Variants in TBL1XR1 observed in about 807,000 individuals in gnomAD.
The protein encoded by TBL1XR1 is TBL1X/Y related 1, also known as F-box-like/WD repeat-containing protein TBL1XR1.
Under a neutral mutation model 66.9 loss-of-function variants are expected in TBL1XR1, and 5 were observed. The observed-to-expected ratio is 0.07, with a 90% CI of 0.04 to 0.16. TBL1XR1 has a LOEUF of 0.16. Among genes scored for constraint, TBL1XR1 ranks in the 10% least tolerant of loss-of-function variants. TBL1XR1 has a pLI of 1.00. For missense variants in TBL1XR1, 238 were observed against 623.2 expected, an observed-to-expected ratio of 0.38 and a Z score of 6.58; for synonymous variants, 210 against 206.0, an observed-to-expected ratio of 1.02 and a Z score of -0.17.
intron 2 of TBL1XR1, among the ~76,000 whole-genome samples, chr3:177,089,248 G>A (rs1410932575): frequency 6.6e-6 from 1 of 152,086 alleles, no homozygotes; most frequent in Non-Finnish European, 1.5e-5. Flanking sequence ...AGGCCAGCAG[G>A]GCCCAGCCCA....
intron 1 of TBL1XR1, among the ~76,000 whole-genome samples, chr3:177,186,849 C>G (rs7627100): frequency 0.55 from 83,252 of 151,908 alleles, 23,504 homozygotes; most frequent in East Asian, 0.75. Flanking sequence ...ACTTTGGGAG[C>G]CTGAGGCTGG....
intron 1 of TBL1XR1, among the ~76,000 whole-genome samples, chr3:177,112,752 C>A (rs1725808265): frequency 6.6e-6 from 1 of 152,112 alleles, no homozygotes; most frequent in South Asian, 2.1e-4. Context: ...CACCTGTAAT[C>A]CCAACACTTT....
At chr3:177,093,246 A>G (rs879215713) in intron 2 of TBL1XR1, among the ~76,000 whole-genome samples, 1 of 152,172 alleles carries the variant, frequency 6.6e-6, no homozygotes, top group African/African-American at 2.4e-5. Context: ...AAAATAAAAT[A>G]CTTAGGAATA....
intron 1 of TBL1XR1, among the ~76,000 whole-genome samples, chr3:177,160,087 A>AC (rs1233298739): frequency 1.3e-5 from 2 of 152,284 alleles, no homozygotes; most frequent in East Asian, 3.9e-4. Context: ...GCAAGAGGGA[A>AC]CAAAATAATA....
In TBL1XR1 at chr3:177,181,054, TA is replaced by T. The variant is rs1455669996; in HGVS notation, c.-122+16066del. On this transcript the variant is annotated intron_variant, in intron 1 of 15. Transcript: ENST00000457928. ...TGGACCCCAGACCCGCTATCCTGGATATTTTCATCAGTGAGCTAGAAGTAGA... is the reference window on the plus strand; with the variant it reads ...TGGACCCCAGACCCGCTATCCTGGATTTTTCATCAGTGAGCTAGAAGTAGA... Among the ~76,000 whole-genome samples the T allele has an allele frequency of 2.6e-5, 4 of 152,098 alleles. No individual in the cohort carries two copies. The East Asian group carries it at 7.7e-4, about 29-fold the overall frequency.
rs913059541 is a variant in TBL1XR1, at chr3:177,098,519, A to G, written c.-99T>C. 11 of 985,772 alleles carry G rather than the reference A, an allele frequency of 1.1e-5. No homozygotes were observed. The African/African-American group carries it at 1.7e-4, about 16-fold the overall frequency. The allele number at this position is 985,772 out of a possible 1,614,324, so 61.1% of individuals were successfully genotyped here. On this transcript the variant is annotated 5_prime_UTR_variant, in exon 2 of 16. Coordinates refer to ENST00000457928, the MANE Select transcript of TBL1XR1 (RefSeq NM_024665.7). ...GCAACTGAATATCCGGTCACCGCCAATCACAAGTTGCTGTTGTTGATGCTG... is the reference window on the plus strand; with the variant it reads ...GCAACTGAATATCCGGTCACCGCCAGTCACAAGTTGCTGTTGTTGATGCTG...
At chr3:177,057,906 G>A (rs1285406265) in intron 3 of TBL1XR1, among the ~76,000 whole-genome samples, 1 of 152,158 alleles carries the variant, frequency 6.6e-6, no homozygotes, top group East Asian at 1.9e-4. Flanking sequence ...AGCAACGACA[G>A]CTGGCAGGGA....
intron 1 of TBL1XR1, among the ~76,000 whole-genome samples, chr3:177,113,001 C>A (rs1725842603): frequency 7.8e-6 from 1 of 128,004 alleles, no homozygotes; most frequent in Non-Finnish European, 1.7e-5. Context: ...AAGACTGTCT[C>A]AAAACACACA....
At chr3:177,133,940 T>C (rs1036972812) in intron 1 of TBL1XR1, among the ~76,000 whole-genome samples, 8 of 151,888 alleles carry the variant, frequency 5.3e-5, no homozygotes, top group Non-Finnish European at 1.0e-4. Context: ...CTGTTGTTTT[T>C]AGTCTTCCGC....
chr3:177,196,016 T>A (rs933490027), intron 1 of TBL1XR1, among the ~76,000 whole-genome samples: 1 of 152,146 alleles, frequency 6.6e-6, no homozygotes, highest in African/African-American at 2.4e-5. Flanking sequence ...TTAGATAACC[T>A]AACAAAGAGA....
intron 1 of TBL1XR1, among the ~76,000 whole-genome samples, chr3:177,175,312 G>GA (rs750628393): frequency 1.3e-4 from 20 of 151,652 alleles, no homozygotes; most frequent in Non-Finnish European, 1.9e-4. Context: ...GATATTAAAG[G>GA]AAAAAAAATC....
At chr3:177,168,093 A>C (rs1005898612) in intron 1 of TBL1XR1, among the ~76,000 whole-genome samples, 1 of 152,206 alleles carries the variant, frequency 6.6e-6, no homozygotes, top group African/African-American at 2.4e-5. Flanking sequence ...ATGTAATGAG[A>C]TAAATATATA....
chr3:177,048,323 T>C (rs910359917), intron 7 of TBL1XR1, among the ~76,000 whole-genome samples: 7 of 152,204 alleles, frequency 4.6e-5, no homozygotes, highest in Non-Finnish European at 1.0e-4. Flanking sequence ...CAGATTATAG[T>C]AAACAGACTA....
intron 1 of TBL1XR1, among the ~76,000 whole-genome samples, chr3:177,164,759 G>A (rs1369405841): frequency 6.6e-6 from 1 of 152,120 alleles, no homozygotes; most frequent in Non-Finnish European, 1.5e-5. Context: ...ACTACCCAAA[G>A]TTATCTGCAG....
At chr3:177,065,158 C>T (rs1718994147) in intron 2 of TBL1XR1, 136 bp from the exon 3 acceptor site, 1 of 494,620 alleles carries the variant, frequency 2.0e-6, no homozygotes, top group African/African-American at 2.0e-5. Flanking sequence ...TAAAACCTGA[C>T]AAAGTTGCTT....
chr3:177,166,399 T>G (rs1412472414), intron 1 of TBL1XR1, among the ~76,000 whole-genome samples: 3 of 152,222 alleles, frequency 2.0e-5, no homozygotes, highest in Non-Finnish European at 4.4e-5. Context: ...TGAAAAGATG[T>G]TCCACATCAT....
Position 177,051,727 on chromosome 3 carries a change from C to A in TBL1XR1, c.205-1G>T. The A allele has an allele frequency of 6.5e-7, 1 of 1,535,756 alleles. No homozygotes were observed. Among genetic ancestry groups the A allele is most frequent in the East Asian group, 2.3e-5 (1 of 42,874 alleles). On this transcript the variant is annotated splice_acceptor_variant, in intron 4 of 15. Transcript: ENST00000457928. LOFTEE classifies it high-confidence loss of function. ...GTCGACCATCAAACAAGGTACCATC[C>A]TGGATTTGGAAAATTGTGAGAGAAG...
chr3:177,197,519 G>A, upstream of TBL1XR1: 1 of 152,616 alleles, frequency 6.6e-6, no homozygotes, highest in Non-Finnish European at 1.4e-5. Context: ...ACACTGGGGA[G>A]AGAGGAATGG....
chr3:177,049,122 C>A (rs1369761788), intron 7 of TBL1XR1, among the ~76,000 whole-genome samples: 1 of 152,070 alleles, frequency 6.6e-6, no homozygotes, highest in Non-Finnish European at 1.5e-5. Flanking sequence ...TCTGAAAAAA[C>A]ATTTCACAGA....
Sources: allele counts gnomAD v4.1 joint callset (sites outside exome capture counted in the v4.1 genomes callset), GRCh38; gene constraint gnomAD v4.1.1; transcripts MANE v1.5; gene names NCBI Gene and HGNC (gene_info 2026-07-23, HGNC 2026-07-21).